Variants in ZBTB40 observed in about 807,000 individuals in gnomAD.
The protein encoded by ZBTB40 is zinc finger and BTB domain containing 40, also known as zinc finger and BTB domain-containing protein 40.
ZBTB40 carries 60 observed loss-of-function variants against 117.5 expected under a neutral mutation model. The ratio of observed to expected loss-of-function variants is 0.51; its 90% CI spans 0.41 to 0.63. The LOEUF is 0.63. ZBTB40 is among the 30% of genes least tolerant of loss of function. ZBTB40 has a pLI of 0.00. For synonymous variants in ZBTB40, 525 were observed against 577.1 expected (o/e 0.91, Z 1.29); for missense variants, 1,287 against 1,498.5 (o/e 0.86, Z 2.33).
At chr1:22,525,815 C>T (rs558758176) in intron 17 of ZBTB40, among the ~76,000 whole-genome samples, 1 of 152,322 alleles carries the variant, frequency 6.6e-6, no homozygotes, top group African/African-American at 2.4e-5. Flanking sequence ...CAATCCCATT[C>T]CCATGTTCCA....
rs769846246 is a variant in ZBTB40 at position 22,526,315 on chromosome 1, G to A, written c.3639G>A (p.Gln1213=). The A allele has an allele frequency of 3.1e-6, 5 of 1,614,188 alleles. No homozygotes were observed. In the Admixed American group the frequency reaches 6.7e-5, roughly 22 times the overall value. ...CGTTGCCAGATTCTCAGGCATCTCA[G>A]GCCAGCTCTGAGCTCGTGGCGGTGA... The part of the protein sequence containing the change: ...FVTLPDSQAS[Q]ASSELVAVTV... The change falls in exon 18 of 18, where the codon CAG becomes CAA. Residue 1213 remains glutamine (Q), a synonymous_variant. Coordinates refer to ENST00000375647, the MANE Select transcript of ZBTB40 (RefSeq NM_014870.4).
At position 22,511,797 on chromosome 1, in the gene ZBTB40, GA is replaced by G; in HGVS notation, c.2126del (p.Asn709MetfsTer43). 1 of 1,613,394 alleles carries G rather than the reference GA, an allele frequency of 6.2e-7. No individual in the cohort carries two copies. Among genetic ancestry groups the G allele is most frequent in the Non-Finnish European group, 8.5e-7 (1 of 1,179,808 alleles). On this transcript the variant is annotated frameshift_variant, in exon 11 of 18. Transcript: ENST00000375647. LOFTEE classifies it high-confidence loss of function. ...AAGAAGACAGCCAGCCTGGGGAACA[GA>G]ATGATCAAGGAGAGACTGGTTCCTT... The part of the protein sequence containing the change: ...AKEDSQPGEQ[N>X]DQGETGSLPG...
rs1638414948 is a variant in ZBTB40 at position 22,484,590 on chromosome 1, CAA to C, written c.-69-5288_-69-5287del. Among the ~76,000 whole-genome samples, 3 of 152,268 alleles carry C rather than the reference CAA, an allele frequency of 2.0e-5. No homozygotes were observed. In the South Asian group the frequency reaches 6.2e-4, roughly 32 times the overall value. ...TAAAGACAATCATGTAGTCTGCAAA[CAA>C]AGACAGTTTTAACTTCCTTCCCAAT... On this transcript the variant is annotated intron_variant, in intron 1 of 17. Coordinates refer to ENST00000375647, the MANE Select transcript of ZBTB40 (RefSeq NM_014870.4).
intron 8 of ZBTB40, 56 bp downstream of exon 8, chr1:22,508,787 T>C: frequency 1.3e-6 from 2 of 1,550,572 alleles, no homozygotes; most frequent in Non-Finnish European, 1.8e-6. Flanking sequence ...ACTGTCAGTC[T>C]TCCTAGAAAA....
intron 1 of ZBTB40, among the ~76,000 whole-genome samples, chr1:22,469,025 CA>C (rs1483843239): frequency 6.6e-6 from 1 of 151,958 alleles, no homozygotes. Flanking sequence ...GATGGAGTGT[CA>C]CTATGTTGCC....
intron 1 of ZBTB40, among the ~76,000 whole-genome samples, chr1:22,445,167 A>G (rs998683881): frequency 6.6e-6 from 1 of 152,168 alleles, no homozygotes; most frequent in African/African-American, 2.4e-5. Context: ...ATGTCTGACA[A>G]ACTACCTACT....
At position 22,502,307 on chromosome 1, in the gene ZBTB40, G is replaced by T; in HGVS notation, c.1033G>T (p.Glu345Ter). 1 of 1,613,686 alleles carries T rather than the reference G, an allele frequency of 6.2e-7. No individual in the cohort carries two copies. The highest frequency in any genetic ancestry group is 1.3e-5 in the African/African-American group (1 of 75,004). Reference protein sequence around the residue: ...VDTVQPKGSTEEGKTLSVLLL... With the variant: ...VDTVQPKGST ...AACTCTTTCTCCCCCAGGGAGCACAGAGGAGGGAAAGACCTTGTCTGTTCT... is the reference window on the plus strand; with the variant it reads ...AACTCTTTCTCCCCCAGGGAGCACATAGGAGGGAAAGACCTTGTCTGTTCT... The change falls in exon 5 of 18, where the codon GAG (glutamate) becomes TAG (stop). Residue 345 changes from glutamate (E) to a stop codon, truncating the protein, a stop_gained. Coordinates refer to ENST00000375647, the MANE Select transcript of ZBTB40 (RefSeq NM_014870.4). LOFTEE classifies it high-confidence loss of function.
At chr1:22,461,526 G>A (rs532644167) in intron 1 of ZBTB40, among the ~76,000 whole-genome samples, 160 of 152,192 alleles carry the variant, frequency 1.1e-3, no homozygotes, top group Admixed American at 1.8e-3. Context: ...TGGTGATGGA[G>A]GGAAATAGAG....
At chr1:22,486,705 G>A (rs1638478683) in intron 1 of ZBTB40, among the ~76,000 whole-genome samples, 2 of 129,236 alleles carry the variant, frequency 1.5e-5, no homozygotes, top group Admixed American at 1.7e-4. Context: ...AGAGGCGTTT[G>A]TTCATACATT....
At chr1:22,511,458 T>C (rs1434050072) in intron 10 of ZBTB40, 111 bp downstream of exon 10, 1 of 1,438,738 alleles carries the variant, frequency 7.0e-7, no homozygotes, top group African/African-American at 1.4e-5. Context: ...AGTTACGTAT[T>C]CATTTTATAT....
intron 12 of ZBTB40, among the ~76,000 whole-genome samples, chr1:22,515,457 G>A (rs1190495632): frequency 6.6e-6 from 1 of 152,214 alleles, no homozygotes; most frequent in Non-Finnish European, 1.5e-5. Context: ...AATCCAAGAT[G>A]GGTCTTGTGA....
rs1203768392 is a variant in ZBTB40 at position 22,471,423 on chromosome 1, C to T, written c.-69-18457C>T. ...AAGAACACGGAGCCAGGCACATCTG[C>T]ATTTGGGCTCTGCTCAAACTTATTA... is the stretch of plus-strand genomic sequence containing the variant. On this transcript the variant is annotated intron_variant, in intron 1 of 17. Coordinates refer to ENST00000375647, the MANE Select transcript of ZBTB40 (RefSeq NM_014870.4). Among the ~76,000 whole-genome samples the T allele has an allele frequency of 2.0e-5, 3 of 152,242 alleles. No individual in the cohort carries two copies. In the East Asian group the frequency reaches 5.8e-4, roughly 29 times the overall value.
intron 1 of ZBTB40, among the ~76,000 whole-genome samples, chr1:22,459,630 G>A (rs1641086027): frequency 6.6e-6 from 1 of 152,044 alleles, no homozygotes; most frequent in Non-Finnish European, 1.5e-5. Flanking sequence ...CATCTGGAAG[G>A]GCCAATTTTT....
chr1:22,465,264 C>T (rs1641225759), intron 1 of ZBTB40, among the ~76,000 whole-genome samples: 1 of 152,082 alleles, frequency 6.6e-6, no homozygotes, highest in Non-Finnish European at 1.5e-5. Flanking sequence ...GAGGGTAACT[C>T]CTCTCTGCGG....
intron 3 of ZBTB40, among the ~76,000 whole-genome samples, chr1:22,499,653 T>C (rs1638872523): frequency 6.6e-6 from 1 of 152,254 alleles, no homozygotes; most frequent in African/African-American, 2.4e-5. Context: ...AACTGTGTTT[T>C]GTCTATGTGT....
At chr1:22,462,636 G>A (rs184063552) in intron 1 of ZBTB40, among the ~76,000 whole-genome samples, 3 of 152,288 alleles carry the variant, frequency 2.0e-5, no homozygotes, top group Admixed American at 6.5e-5. Context: ...CAAGGCTGTG[G>A]TTTCCTCATC....
intron 1 of ZBTB40, among the ~76,000 whole-genome samples, chr1:22,441,563 A>T (rs4655061): frequency 6.8e-6 from 1 of 147,140 alleles, no homozygotes; most frequent in African/African-American, 2.5e-5. Flanking sequence ...GCTCACTGCA[A>T]CCTCCACCTC....
At position 22,490,406 on chromosome 1, in the gene ZBTB40, G is replaced by A. The variant is rs903098021; in HGVS notation, c.458G>A (p.Gly153Asp). 1.2e-6 allele frequency: 2 copies of A among 1,612,090 alleles called. No homozygotes were observed. The highest frequency in any genetic ancestry group is 2.7e-5 in the African/African-American group (2 of 74,762). The change falls in exon 2 of 18, where the codon GGT becomes GAT. Residue 153 changes from glycine to aspartate, a missense_variant. Gly to Asp is a moderately conservative substitution (Grantham distance 94, BLOSUM62 -1). Transcript: ENST00000375647. ...KPQVEILSSE[G>D]AGEPHSSPEL... The stretch of plus-strand genomic sequence containing the variant: ...CAAGTAGAAATCCTTTCATCTGAAG[G>A]TGCTGGAGAGCCTCATTCTTCCCCA...
At chr1:22,487,068 T>C (rs1638491857) in intron 1 of ZBTB40, among the ~76,000 whole-genome samples, 1 of 152,184 alleles carries the variant, frequency 6.6e-6, no homozygotes, top group African/African-American at 2.4e-5. Context: ...TGATTCTCTG[T>C]GTCTGCCTGT....
Sources: gnomAD v4.1 joint callset for allele counts (sites outside exome capture counted in the v4.1 genomes callset) on GRCh38, gnomAD v4.1.1 for gene constraint, MANE v1.5 for transcripts, NCBI Gene and HGNC (gene_info 2026-07-23, HGNC 2026-07-21) for gene names.